KIRREL3: variants seen among roughly 807,000 people sequenced by gnomAD.
The protein encoded by KIRREL3 is kin of IRRE-like protein 3.
A neutral mutation model predicts 89.7 loss-of-function variants in KIRREL3; 36 were observed. The observed-to-expected ratio is 0.40, with a 90% CI of 0.31 to 0.53. The LOEUF (loss-of-function observed/expected upper bound fraction) is 0.53, where lower values mean the gene tolerates loss of function less well. Among genes scored for constraint, KIRREL3 ranks in the 20% least tolerant of loss-of-function variants. The pLI is 0.49. For missense variants in KIRREL3, 864 were observed against 1,056.6 expected (o/e 0.82, Z 2.53); for synonymous variants, 445 against 441.4 (o/e 1.01, Z -0.10).
At chr11:126,968,569 A>C (rs1949343685) in intron 1 of KIRREL3, among the ~76,000 whole-genome samples, 1 of 152,210 alleles carries the variant, frequency 6.6e-6, no homozygotes, top group Non-Finnish European at 1.5e-5. Context: ...TTACAGATGA[A>C]ATGGGGCACA....
At chr11:126,937,788 G>T (rs548007573) in intron 1 of KIRREL3, among the ~76,000 whole-genome samples, 4 of 152,154 alleles carry the variant, frequency 2.6e-5, no homozygotes, top group Non-Finnish European at 5.9e-5. Flanking sequence ...AGTCCCAGCT[G>T]CTCGGGAGGC....
chr11:126,591,811 G>C (rs540637014), intron 1 of KIRREL3, among the ~76,000 whole-genome samples: 25 of 152,310 alleles, frequency 1.6e-4, no homozygotes, highest in African/African-American at 5.5e-4. Flanking sequence ...TGTTTTACCA[G>C]TAAGGAAACT....
rs112185166 is a variant in KIRREL3 at position 126,609,733 on chromosome 11, C to T, written c.56-46821G>A. 1.9e-4 allele frequency among the ~76,000 whole-genome samples: 29 copies of T among 152,268 alleles called. No homozygotes were observed. The highest frequency in any genetic ancestry group is 5.8e-4 in the African/African-American group (24 of 41,556). Reference sequence around the variant, plus strand: ...TGACAACCAGAGATTCCAGATTAATCGGTATGGGGGTGTGGCTACAAGGTT... The same window carrying T: ...TGACAACCAGAGATTCCAGATTAATTGGTATGGGGGTGTGGCTACAAGGTT... On this transcript the variant is annotated intron_variant, in intron 1 of 16. Transcript: ENST00000525144. This position sits in a 1 kb window ranked among gnomAD's most constrained non-coding sequence, Gnocchi z 5.0.
chr11:126,722,629 G>A (rs1948219492), intron 1 of KIRREL3, among the ~76,000 whole-genome samples: 1 of 152,266 alleles, frequency 6.6e-6, no homozygotes, highest in Non-Finnish European at 1.5e-5. Context: ...CACAAGATCT[G>A]TAAAGACTGG....
At chr11:126,603,979 A>G (rs907352606) in intron 1 of KIRREL3, among the ~76,000 whole-genome samples, 5 of 152,326 alleles carry the variant, frequency 3.3e-5, no homozygotes, top group East Asian at 3.9e-4. Flanking sequence ...GAGATGGCCA[A>G]TCAGCCAAAG....
chr11:126,854,126 T>TTTTG lies in KIRREL3; in HGVS notation c.55+146328_55+146329insCAAA, dbSNP rs1555060276. Among the ~76,000 whole-genome samples, 75 of 144,002 alleles carry TTTTG rather than the reference T, an allele frequency of 5.2e-4. 1 individual carries two copies. The highest frequency in any genetic ancestry group is 1.2e-3 in the South Asian group (5 of 4,328). 94.5% of individuals were successfully genotyped at this position (144,002 alleles called of 152,430 possible). On this transcript the variant is annotated intron_variant, in intron 1 of 16. Coordinates refer to ENST00000525144, the MANE Select transcript of KIRREL3 (RefSeq NM_032531.4). ...CTAAACTCTTCCAGTAATAAGTTTC[T>TTTTG]TGTGTGTGTGTGTGTGTGTGTGTGT...
rs938399478 is a variant in KIRREL3 at position 126,708,019 on chromosome 11, C to A, written c.56-145107G>T. On this transcript the variant is annotated intron_variant, in intron 1 of 16. Coordinates refer to ENST00000525144, the MANE Select transcript of KIRREL3 (RefSeq NM_032531.4). This position sits in a 1 kb window ranked among gnomAD's most constrained non-coding sequence, Gnocchi z 5.7. ...TCAAGTCGGTGGAGGGTGAAACAGG[C>A]GATTGGCAATACTCCCCTCCGCATC... Among the ~76,000 whole-genome samples the A allele has an allele frequency of 6.6e-6, 1 of 152,112 alleles. No individual in the cohort carries two copies. Among genetic ancestry groups the A allele is most frequent in the African/African-American group, 2.4e-5 (1 of 41,412 alleles).
At chr11:126,536,597 G>A (rs1037141784) in intron 2 of KIRREL3, among the ~76,000 whole-genome samples, 2 of 150,058 alleles carry the variant, frequency 1.3e-5, no homozygotes, top group African/African-American at 4.9e-5. Flanking sequence ...GGAGCCTGAT[G>A]TGGGATCGGG....
chr11:126,598,818 G>A (rs1287296562), intron 1 of KIRREL3, among the ~76,000 whole-genome samples: 1 of 152,144 alleles, frequency 6.6e-6, no homozygotes, highest in Non-Finnish European at 1.5e-5. Flanking sequence ...CCTCTGCAGT[G>A]GGAATAATAA....
chr11:126,798,072 C>T (rs1950869069), intron 1 of KIRREL3, among the ~76,000 whole-genome samples: 2 of 152,126 alleles, frequency 1.3e-5, no homozygotes, highest in Admixed American at 6.5e-5. Flanking sequence ...AGTGATGGCT[C>T]ATTGCACCCA....
intron 8 of KIRREL3, among the ~76,000 whole-genome samples, chr11:126,448,279 C>CAAAA (rs55787866): frequency 5.2e-5 from 5 of 95,354 alleles, no homozygotes; most frequent in African/African-American, 1.2e-4. Context: ...GAGACTGTCT[C>CAAAA]AAAAAAAAAA....
chr11:126,802,664 G>C lies in KIRREL3; in HGVS notation c.55+197791C>G, dbSNP rs1951078207. On this transcript the variant is annotated intron_variant, in intron 1 of 16. Transcript: ENST00000525144. The surrounding 1 kb of genome is among the most constrained non-coding windows in gnomAD (Gnocchi z 5.2). ...CTCCCGCCTGGCACCCTGAGCTGCT[G>C]GGACAGGCTCTGGGCACTGCAACCC... Among the ~76,000 whole-genome samples, 1 of 152,160 alleles carries C rather than the reference G, an allele frequency of 6.6e-6. No homozygotes were observed. Among genetic ancestry groups the C allele is most frequent in the Admixed American group, 6.5e-5 (1 of 15,276 alleles).
chr11:126,927,611 G>T (rs964254755), intron 1 of KIRREL3, among the ~76,000 whole-genome samples: 1 of 152,164 alleles, frequency 6.6e-6, no homozygotes. Context: ...TAGAAATGTG[G>T]CTTTTTACTA....
chr11:126,508,499 T>C lies in KIRREL3; in HGVS notation c.433+12816A>G, dbSNP rs1958098932. On this transcript the variant is annotated intron_variant, in intron 4 of 16. Transcript: ENST00000525144. The surrounding 1 kb of genome is among the most constrained non-coding windows in gnomAD (Gnocchi z 4.9). The stretch of plus-strand genomic sequence containing the variant: ...GGGTTTTTGGAAGCCTTGGGTTTGC[T>C]CTTCGAGCCGACTCCCCGATTCCAT... Among the ~76,000 whole-genome samples the C allele has an allele frequency of 6.6e-6, 1 of 152,050 alleles. No individual in the cohort carries two copies.
chr11:126,518,802 C>G (rs1958499261), intron 4 of KIRREL3, among the ~76,000 whole-genome samples: 1 of 152,364 alleles, frequency 6.6e-6, no homozygotes, highest in South Asian at 2.1e-4. Context: ...CCTTGCAGAG[C>G]AGTAGGTGGG....
chr11:126,426,783 T>C (rs6590206), intron 15 of KIRREL3, among the ~76,000 whole-genome samples: 105,927 of 152,062 alleles, frequency 0.7, 37,570 homozygotes, highest in East Asian at 0.92. Flanking sequence ...TTTGGAGCCC[T>C]GTAGAATCAG....
chr11:126,456,039 G>GGTTTTTTTT (rs1956328264), intron 7 of KIRREL3, among the ~76,000 whole-genome samples: 1 of 68,312 alleles, frequency 1.5e-5, no homozygotes, highest in Admixed American at 1.8e-4. Flanking sequence ...TTTTGTTTTC[G>GGTTTTTTTT]TTTTTTTTTT....
rs769318951 is a variant in KIRREL3 at position 126,557,486 on chromosome 11, A to G, written c.133+5349T>C. Among the ~76,000 whole-genome samples, 3 of 152,156 alleles carry G rather than the reference A, an allele frequency of 2.0e-5. No homozygotes were observed. The highest frequency in any genetic ancestry group is 2.9e-5 in the Non-Finnish European group (2 of 68,030). On this transcript the variant is annotated intron_variant, in intron 2 of 16. Coordinates refer to ENST00000525144, the MANE Select transcript of KIRREL3 (RefSeq NM_032531.4). The surrounding 1 kb of genome is among the most constrained non-coding windows in gnomAD (Gnocchi z 5.6). ...AGGTCATCTTATGAAACATGATTCC[A>G]TTTTGCACATGAGAAGGTTGAGATC...
intron 1 of KIRREL3, among the ~76,000 whole-genome samples, chr11:126,899,325 T>C (rs1292703827): frequency 6.6e-6 from 1 of 152,130 alleles, no homozygotes; most frequent in Non-Finnish European, 1.5e-5. Flanking sequence ...AAAAAGTAAA[T>C]GGAGGTCATC....
Sources: gnomAD v4.1 joint callset for allele counts (sites outside exome capture counted in the v4.1 genomes callset) on GRCh38, gnomAD v4.1.1 for gene constraint, Gnocchi (gnomAD v3.1) non-coding constraint, MANE v1.5 for transcripts, NCBI Gene and HGNC (gene_info 2026-07-23, HGNC 2026-07-21) for gene names.